XYLT1: variants seen among roughly 807,000 people sequenced by gnomAD.
The protein encoded by XYLT1 is beta-D-xylosyltransferase 1.
Under a neutral mutation model 91.3 loss-of-function variants are expected in XYLT1, and 36 were observed. The observed-to-expected ratio is 0.39, with a 90% confidence interval of 0.30 to 0.52. The LOEUF is 0.52. Ranked by LOEUF, XYLT1 falls within the 20% of genes least tolerant of loss-of-function variation. The pLI is 0.68. For synonymous variants in XYLT1, 588 were observed against 532.0 expected (o/e 1.11, Z -1.45); for missense variants, 1,242 against 1,284.5 (o/e 0.97, Z 0.51).
At chr16:17,202,538 T>C (rs1009467129) in intron 3 of XYLT1, among the ~76,000 whole-genome samples, 1 of 152,254 alleles carries the variant, frequency 6.6e-6, no homozygotes, top group African/African-American at 2.4e-5. Context: ...TAGGACCTTC[T>C]CCCTGGCTTC....
intron 4 of XYLT1, 26 bp from the exon 5 acceptor site, chr16:17,198,440 G>A (rs1444474138): frequency 6.2e-7 from 1 of 1,607,390 alleles, no homozygotes; most frequent in Non-Finnish European, 8.5e-7. Context: ...AAAGGGTGAT[G>A]ACAGTCAGTG....
intron 2 of XYLT1, among the ~76,000 whole-genome samples, chr16:17,304,080 A>T (rs1023143363): frequency 2.0e-5 from 3 of 152,146 alleles, no homozygotes; most frequent in Non-Finnish European, 4.4e-5. Flanking sequence ...GTTGGAAGGT[A>T]AGAAGGCATA....
chr16:17,440,373 C>G (rs2036517755), intron 1 of XYLT1, among the ~76,000 whole-genome samples: 1 of 152,226 alleles, frequency 6.6e-6, no homozygotes, highest in Non-Finnish European at 1.5e-5. Flanking sequence ...TACAGGCAAA[C>G]AATAAGTGGT....
At chr16:17,412,252 A>G (rs1183542730) in intron 1 of XYLT1, among the ~76,000 whole-genome samples, 1 of 152,048 alleles carries the variant, frequency 6.6e-6, no homozygotes, top group Non-Finnish European at 1.5e-5. Flanking sequence ...GCCCAGGTCC[A>G]TGTGCATGAT....
chr16:17,248,372 C>T (rs757078950), intron 3 of XYLT1, among the ~76,000 whole-genome samples: 11 of 152,210 alleles, frequency 7.2e-5, no homozygotes, highest in Non-Finnish European at 1.5e-4. Flanking sequence ...CAGACTAATA[C>T]AGGGGGGCCT....
At chr16:17,244,095 G>A (rs529959522) in intron 3 of XYLT1, among the ~76,000 whole-genome samples, 90 of 152,290 alleles carry the variant, frequency 5.9e-4, no homozygotes, top group African/African-American at 2.1e-3. Flanking sequence ...GAGGGGCTCA[G>A]TAGCATTGGT....
At chr16:17,428,349 C>A (rs946967848) in intron 1 of XYLT1, among the ~76,000 whole-genome samples, 1 of 152,128 alleles carries the variant, frequency 6.6e-6, no homozygotes, top group Non-Finnish European at 1.5e-5. Context: ...CAAGCTCTGG[C>A]GGCAGAGCTT....
chr16:17,281,301 T>C (rs1459478367), intron 2 of XYLT1, among the ~76,000 whole-genome samples: 2 of 152,014 alleles, frequency 1.3e-5, no homozygotes, highest in Non-Finnish European at 2.9e-5. Flanking sequence ...GAAGGACAGG[T>C]ACCAGAGCTG....
intron 1 of XYLT1, among the ~76,000 whole-genome samples, chr16:17,376,827 C>CAAAAAAAAAAA (rs10684824): frequency 1.8e-5 from 1 of 55,672 alleles, no homozygotes; most frequent in African/African-American, 8.1e-5. Context: ...AACTCTGTCT[C>CAAAAAAAAAAA]AAAAAAAAAA....
rs1382876003 is a variant in XYLT1, at chr16:17,232,446, T to TAC, written c.913+26541_913+26542insGT. Among the ~76,000 whole-genome samples, 293 of 126,788 alleles carry TAC rather than the reference T, an allele frequency of 2.3e-3. 4 individuals carry two copies. The highest frequency in any genetic ancestry group is 7.5e-3 in the Middle Eastern group (2 of 266). 83.2% of individuals were successfully genotyped at this position (126,788 alleles called of 152,430 possible). On this transcript the variant is annotated intron_variant, in intron 3 of 11. Coordinates refer to ENST00000261381, the MANE Select transcript of XYLT1 (RefSeq NM_022166.4). ...GTGTGTGTGTATATATATATATATA[T>TAC]ATACATATATATATATATATTGCCC...
At chr16:17,343,678 G>C (rs985337389) in intron 2 of XYLT1, among the ~76,000 whole-genome samples, 2 of 151,920 alleles carry the variant, frequency 1.3e-5, no homozygotes, top group Non-Finnish European at 2.9e-5. Flanking sequence ...TATATTGTTC[G>C]GGCTAGTCTC....
intron 11 of XYLT1, among the ~76,000 whole-genome samples, chr16:17,112,208 TTCC>T (rs1334977842): frequency 2.0e-5 from 3 of 152,216 alleles, no homozygotes; most frequent in African/African-American, 7.2e-5. Context: ...TAATTAAATT[TTCC>T]TCAATTCCAC....
chr16:17,146,827 T>C (rs961943321), intron 6 of XYLT1, among the ~76,000 whole-genome samples: 7 of 152,174 alleles, frequency 4.6e-5, no homozygotes, highest in Admixed American at 6.5e-5. Flanking sequence ...TGGCAACTTT[T>C]CTAAGGACAC....
intron 9 of XYLT1, among the ~76,000 whole-genome samples, chr16:17,132,610 G>A (rs905650890): frequency 1.4e-5 from 2 of 145,528 alleles, no homozygotes; most frequent in African/African-American, 5.6e-5. Context: ...CTGTTAAAAT[G>A]GGAATAACAA....
chr16:17,262,690 T>C (rs1417458829), intron 2 of XYLT1, among the ~76,000 whole-genome samples: 2 of 152,170 alleles, frequency 1.3e-5, no homozygotes, highest in Non-Finnish European at 1.5e-5. Context: ...TGTCATTCCC[T>C]GGATACCACA....
chr16:17,329,724 A>C (rs1174105224), intron 2 of XYLT1, among the ~76,000 whole-genome samples: 2 of 150,536 alleles, frequency 1.3e-5, no homozygotes, highest in Non-Finnish European at 3.0e-5. Flanking sequence ...GACACCCGTG[A>C]GTTTGTAGAC....
chr16:17,153,763 T>C (rs2031339771), intron 6 of XYLT1, among the ~76,000 whole-genome samples: 1 of 152,186 alleles, frequency 6.6e-6, no homozygotes, highest in Non-Finnish European at 1.5e-5. Flanking sequence ...CATGTCCTGG[T>C]GGCACATAAA....
chr16:17,303,565 G>A (rs2141814780), intron 2 of XYLT1, among the ~76,000 whole-genome samples: 1 of 152,348 alleles, frequency 6.6e-6, no homozygotes, highest in Admixed American at 6.5e-5. Context: ...ACTGGCATAA[G>A]AGGGCCATTG....
rs1045373781 is a variant in XYLT1 at position 17,141,384 on chromosome 16, G to C, written c.1371-15C>G. The C allele has an allele frequency of 1.9e-6, 3 of 1,612,276 alleles. No homozygotes were observed. Among genetic ancestry groups the C allele is most frequent in the Admixed American group, 3.3e-5 (2 of 59,956 alleles). ...TCCGAATGAACCTGGGAGGGAGAAA[G>C]CTGCCCTTAGCCCAGAGGTGTCCTG... On this transcript the variant is annotated splice_polypyrimidine_tract_variant and intron_variant, in intron 6 of 11. Coordinates refer to ENST00000261381, the MANE Select transcript of XYLT1 (RefSeq NM_022166.4).
Sources: allele counts gnomAD v4.1 joint callset (sites outside exome capture counted in the v4.1 genomes callset), GRCh38; gene constraint gnomAD v4.1.1; transcripts MANE v1.5; gene names NCBI Gene and HGNC (gene_info 2026-07-23, HGNC 2026-07-21).